Variants in ELP4 observed in about 807,000 individuals in gnomAD.
ELP4 encodes elongator complex protein 4.
ELP4 carries 51 observed loss-of-function variants against 48.9 expected under a neutral mutation model. The observed-to-expected ratio is 1.04, with a 90% CI of 0.83 to 1.32. The LOEUF (loss-of-function observed/expected upper bound fraction) is 1.32. ELP4 is among the 40% of genes most tolerant of loss of function. The probability of loss-of-function intolerance (pLI) is 0.00; values close to 1 mark genes in which losing one functional copy is unlikely to be tolerated. For synonymous variants in ELP4, 210 were observed against 189.2 expected, an observed-to-expected ratio of 1.11 and a Z score of -0.90; for missense variants, 519 against 514.6, an observed-to-expected ratio of 1.01 and a Z score of -0.08.
intron 6 of ELP4, among the ~76,000 whole-genome samples, chr11:31,631,871 G>T (rs537885868): frequency 6.6e-6 from 1 of 152,044 alleles, no homozygotes. Context: ...GAAGGGGTTT[G>T]CAAGCATTCT....
At chr11:31,683,687 G>A (rs1015021422) in intron 9 of ELP4, among the ~76,000 whole-genome samples, 2 of 151,748 alleles carry the variant, frequency 1.3e-5, no homozygotes, top group African/African-American at 2.4e-5. Flanking sequence ...TACTGTATAG[G>A]GGGTACTAGA....
At chr11:31,611,264 G>T (rs1957972746) in intron 5 of ELP4, among the ~76,000 whole-genome samples, 1 of 152,208 alleles carries the variant, frequency 6.6e-6, no homozygotes, top group Admixed American at 6.5e-5. Context: ...ATGAATACAT[G>T]AAATGTGACT....
chr11:31,749,702 T>G (rs933307978), intron 9 of ELP4, among the ~76,000 whole-genome samples: 17 of 152,152 alleles, frequency 1.1e-4, no homozygotes, highest in Admixed American at 9.8e-4. Flanking sequence ...GGAGAAATAC[T>G]GAAAAAAATA....
chr11:31,731,156 T>C (rs1169308802), intron 9 of ELP4, among the ~76,000 whole-genome samples: 1 of 152,092 alleles, frequency 6.6e-6, no homozygotes, highest in African/African-American at 2.4e-5. Context: ...AATGTGTAGA[T>C]ACCAACACAA....
At chr11:31,666,691 CAAAA>C (rs11285658) in intron 9 of ELP4, among the ~76,000 whole-genome samples, 9 of 104,884 alleles carry the variant, frequency 8.6e-5, no homozygotes, top group Non-Finnish European at 1.4e-4. Context: ...GATTCTGTCT[CAAAA>C]AAAAAAAAAA....
At chr11:31,623,371 AT>A (rs1944664050) in intron 5 of ELP4, among the ~76,000 whole-genome samples, 6 of 106,560 alleles carry the variant, frequency 5.6e-5, no homozygotes, top group Non-Finnish European at 1.1e-4. Context: ...ATATATATAT[AT>A]ATATATATAT....
intron 9 of ELP4, among the ~76,000 whole-genome samples, chr11:31,696,381 T>G (rs1028977723): frequency 1.1e-4 from 17 of 152,182 alleles, no homozygotes; most frequent in African/African-American, 4.1e-4. Flanking sequence ...TTGTTCTCAT[T>G]GGTTTCGAAG....
At chr11:31,610,486 A>G (rs1957958382) in intron 5 of ELP4, among the ~76,000 whole-genome samples, 1 of 152,164 alleles carries the variant, frequency 6.6e-6, no homozygotes, top group Non-Finnish European at 1.5e-5. Context: ...ATAGTACCCA[A>G]TAGGTGTTTT....
chr11:31,512,289 T>C (rs1956023840), intron 1 of ELP4: 1 of 152,200 alleles, frequency 6.6e-6, no homozygotes, highest in South Asian at 2.1e-4. Context: ...GTAAATATTA[T>C]AGCTTCCGTG....
chr11:31,598,379 G>A (rs1323526041), intron 4 of ELP4, among the ~76,000 whole-genome samples: 2 of 151,782 alleles, frequency 1.3e-5, no homozygotes, highest in South Asian at 2.1e-4. Context: ...CCAGTGAGTA[G>A]TGCTAATTTT....
chr11:31,753,706 G>A (rs563530933), intron 9 of ELP4, among the ~76,000 whole-genome samples: 120 of 152,218 alleles, frequency 7.9e-4, no homozygotes, highest in African/African-American at 2.3e-3. Context: ...AGCATTTTTT[G>A]TGAAACAGAA....
chr11:31,690,656 T>C (rs1272789448), intron 9 of ELP4, among the ~76,000 whole-genome samples: 2 of 151,986 alleles, frequency 1.3e-5, no homozygotes, highest in Admixed American at 6.6e-5. Flanking sequence ...TCTTTCTTAT[T>C]TATTTAAAGA....
chr11:31,530,952 T>C (rs773448219), intron 2 of ELP4, among the ~76,000 whole-genome samples: 37 of 152,160 alleles, frequency 2.4e-4, no homozygotes, highest in African/African-American at 6.3e-4. Context: ...CAGACCAAAA[T>C]TACATTTGCT....
intron 7 of ELP4, chr11:31,645,893 C>T (rs1341952611): frequency 6.8e-6 from 1 of 147,184 alleles, no homozygotes; most frequent in Admixed American, 6.8e-5. Context: ...CCCACCCCAA[C>T]ATTGTTCAGT....
intron 3 of ELP4, among the ~76,000 whole-genome samples, chr11:31,561,592 C>T (rs551671804): frequency 2.0e-5 from 3 of 152,106 alleles, no homozygotes; most frequent in African/African-American, 7.2e-5. Flanking sequence ...TACAGGCTCC[C>T]GCCGCCACAC....
intron 7 of ELP4, among the ~76,000 whole-genome samples, chr11:31,643,615 G>A (rs920653713): frequency 6.6e-6 from 1 of 151,736 alleles, no homozygotes; most frequent in East Asian, 1.9e-4. Context: ...AGCTTTAAAT[G>A]GCAGTGATTA....
At position 31,620,232 on chromosome 11, in the gene ELP4, CAGAG is replaced by C. The variant is rs539696144; in HGVS notation, c.654-6875_654-6872del. Among the ~76,000 whole-genome samples, 98 of 151,994 alleles carry C rather than the reference CAGAG, an allele frequency of 6.4e-4. 1 individual carries two copies. The highest frequency in any genetic ancestry group is 3.4e-4 in the Non-Finnish European group (23 of 67,944). ...TACATTGAGGCAAGTGTGGAATAGACAGAGAGTTGTGTTTAACAAGAATAGCAGT... is the reference window on the plus strand; with the variant it reads ...TACATTGAGGCAAGTGTGGAATAGACAGTTGTGTTTAACAAGAATAGCAGT... On this transcript the variant is annotated intron_variant, in intron 5 of 9. Transcript: ENST00000640961.
chr11:31,534,266 G>GGT (rs61054150), intron 2 of ELP4, among the ~76,000 whole-genome samples: 1,903 of 148,132 alleles, frequency 0.013, 23 homozygotes, highest in South Asian at 0.045. Flanking sequence ...GAGGTGGATT[G>GGT]GTGTGTGTGT....
chr11:31,579,521 A>T (rs1957348430), intron 3 of ELP4, among the ~76,000 whole-genome samples: 1 of 152,188 alleles, frequency 6.6e-6, no homozygotes, highest in Non-Finnish European at 1.5e-5. Flanking sequence ...AATAGCAAAG[A>T]CTGGGAACCA....
Sources: allele counts gnomAD v4.1 joint callset (sites outside exome capture counted in the v4.1 genomes callset), GRCh38; gene constraint gnomAD v4.1.1; transcripts MANE v1.5; gene names NCBI Gene and HGNC (gene_info 2026-07-23, HGNC 2026-07-21).